The following TNFSF4 variants were observed in gnomAD, a reference collection of about 807,000 sequenced individuals.
TNFSF4 encodes TNF superfamily member 4, also known as tumor necrosis factor ligand superfamily member 4.
TNFSF4 carries 4 observed loss-of-function variants against 7.3 expected under a neutral mutation model. The ratio of observed to expected loss-of-function variants is 0.55; its 90% CI spans 0.27 to 1.25. The LOEUF (loss-of-function observed/expected upper bound fraction) is 1.25, where lower values mean the gene tolerates loss of function less well. Among genes scored for constraint, TNFSF4 ranks in the 50% most tolerant of loss-of-function variants. TNFSF4 has a pLI of 0.12. For missense variants in TNFSF4, 181 were observed against 208.8 expected, an observed-to-expected ratio of 0.87 and a Z score of 0.82; for synonymous variants, 76 against 83.7, an observed-to-expected ratio of 0.91 and a Z score of 0.50.
chr1:173,338,815 T>G, the TNFSF4 span, among the ~76,000 whole-genome samples: 1 of 152,160 alleles, frequency 6.6e-6, no homozygotes, highest in Non-Finnish European at 1.5e-5. Context: ...AAGTTAATAC[T>G]GCTGCCCAGA....
At chr1:173,230,490 A>G in the TNFSF4 span, among the ~76,000 whole-genome samples, 3 of 152,236 alleles carry the variant, frequency 2.0e-5, no homozygotes, top group South Asian at 2.1e-4. Flanking sequence ...AAGATCTAAA[A>G]TTGACACCCT....
chr1:173,316,528 C>T, the TNFSF4 span, among the ~76,000 whole-genome samples: 3 of 152,016 alleles, frequency 2.0e-5, no homozygotes, highest in African/African-American at 7.2e-5. Context: ...TGCCAAACCA[C>T]ACCATGATTA....
the TNFSF4 span, among the ~76,000 whole-genome samples, chr1:173,398,227 T>C: frequency 6.6e-6 from 1 of 151,960 alleles, no homozygotes; most frequent in African/African-American, 2.4e-5. Context: ...GATATCTCAC[T>C]GATCCATTAC....
At chr1:173,204,344 G>A (rs972116167) in intron 1 of TNFSF4, among the ~76,000 whole-genome samples, 13 of 152,150 alleles carry the variant, frequency 8.5e-5, no homozygotes, top group African/African-American at 3.1e-4. Context: ...ATTAGATGAG[G>A]AGTGGGTAGG....
the TNFSF4 span, among the ~76,000 whole-genome samples, chr1:173,314,486 T>C: frequency 3.9e-5 from 6 of 152,270 alleles, no homozygotes; most frequent in Admixed American, 6.5e-5. Flanking sequence ...CATTTGATGA[T>C]GTCCAACTTC....
chr1:173,298,085 C>T, the TNFSF4 span, among the ~76,000 whole-genome samples: 2 of 151,610 alleles, frequency 1.3e-5, no homozygotes, highest in South Asian at 2.1e-4. Flanking sequence ...AGGACTGTCA[C>T]GGGGAAAGAT....
chr1:173,349,391 A>G, the TNFSF4 span, among the ~76,000 whole-genome samples: 1 of 152,200 alleles, frequency 6.6e-6, no homozygotes, highest in Admixed American at 6.5e-5. Context: ...TCAGAAATCC[A>G]TTGAAGTCCT....
the TNFSF4 span, among the ~76,000 whole-genome samples, chr1:173,416,750 G>C: frequency 6.6e-6 from 1 of 151,780 alleles, no homozygotes; most frequent in Non-Finnish European, 1.5e-5. Context: ...ATGTGCGCCA[G>C]CATGCCCGGC....
At chr1:173,408,164 T>G in the TNFSF4 span, among the ~76,000 whole-genome samples, 1 of 152,180 alleles carries the variant, frequency 6.6e-6, no homozygotes, top group East Asian at 1.9e-4. Context: ...CTAAGACAAC[T>G]TCTAAATACC....
At chr1:173,183,550 T>C (rs1479601157), downstream of TNFSF4, among the ~76,000 whole-genome samples, 1 of 152,186 alleles carries the variant, frequency 6.6e-6, no homozygotes, top group Non-Finnish European at 1.5e-5. Flanking sequence ...CCAGTGAGCA[T>C]CTTTTCAAAA....
At chr1:173,383,820 A>C in the TNFSF4 span, among the ~76,000 whole-genome samples, 1 of 152,196 alleles carries the variant, frequency 6.6e-6, no homozygotes, top group East Asian at 1.9e-4. Context: ...TGTCATGAGC[A>C]TATTATTTAC....
the TNFSF4 span, among the ~76,000 whole-genome samples, chr1:173,265,909 T>C: frequency 1.3e-5 from 2 of 152,210 alleles, no homozygotes; most frequent in Non-Finnish European, 2.9e-5. Flanking sequence ...GTCATATTTC[T>C]AGATGGCAAA....
At chr1:173,357,956 A>T in the TNFSF4 span, among the ~76,000 whole-genome samples, 1 of 152,214 alleles carries the variant, frequency 6.6e-6, no homozygotes. Flanking sequence ...TCTCCAAAAG[A>T]TGTTCATGTC....
the TNFSF4 span, among the ~76,000 whole-genome samples, chr1:173,294,188 C>T: frequency 6.6e-6 from 1 of 151,840 alleles, no homozygotes; most frequent in African/African-American, 2.4e-5. Context: ...TAACAGCAGA[C>T]AGATAGAATC....
At chr1:173,401,021 C>CAT in the TNFSF4 span, among the ~76,000 whole-genome samples, 34,693 of 151,224 alleles carry the variant, frequency 0.23, 4,447 homozygotes, top group East Asian at 0.43. Flanking sequence ...TGTGTGTGTG[C>CAT]ATATATATAT....
the TNFSF4 span, among the ~76,000 whole-genome samples, chr1:173,242,659 G>A: frequency 3.9e-5 from 6 of 152,082 alleles, no homozygotes; most frequent in Admixed American, 3.3e-4. Flanking sequence ...AAAAGCAGAG[G>A]ACCTTTCCAG....
the TNFSF4 span, among the ~76,000 whole-genome samples, chr1:173,313,729 T>C: frequency 6.6e-6 from 1 of 152,128 alleles, no homozygotes; most frequent in Admixed American, 6.6e-5. Context: ...TCATTACTCA[T>C]GGAAAGTGTA....
chr1:173,238,282 TA>T, the TNFSF4 span, among the ~76,000 whole-genome samples: 2 of 152,080 alleles, frequency 1.3e-5, no homozygotes, highest in African/African-American at 2.4e-5. Flanking sequence ...ATGCAAAACT[TA>T]AAAATTTAAA....
chr1:173,283,419 G>A, the TNFSF4 span, among the ~76,000 whole-genome samples: 1 of 152,058 alleles, frequency 6.6e-6, no homozygotes, highest in Non-Finnish European at 1.5e-5. Context: ...CATCAAGGAG[G>A]GTAGTCTAAA....
Sources: allele counts gnomAD v4.1 joint callset (sites outside exome capture counted in the v4.1 genomes callset), GRCh38; gene constraint gnomAD v4.1.1; transcripts MANE v1.5; gene names NCBI Gene and HGNC (gene_info 2026-07-23, HGNC 2026-07-21).